Variants in CTNNA2 observed in about 807,000 individuals in gnomAD.
CTNNA2 encodes catenin alpha-2.
In CTNNA2, 42 loss-of-function variants were observed where a neutral mutation model predicts 101.0. The ratio of observed to expected loss-of-function variants is 0.42; its 90% confidence interval spans 0.32 to 0.54. The LOEUF (loss-of-function observed/expected upper bound fraction) is 0.54, where lower values mean the gene tolerates loss of function less well. CTNNA2 is among the 20% of genes least tolerant of loss of function. The pLI is 0.14. For synonymous variants in CTNNA2, 450 were observed against 456.4 expected (o/e 0.99, Z 0.18); for missense variants, 871 against 1,223.1 (o/e 0.71, Z 4.29).
chr2:79,832,187 C>A (rs541283661), intron 3 of CTNNA2, among the ~76,000 whole-genome samples: 1 of 152,296 alleles, frequency 6.6e-6, no homozygotes, highest in African/African-American at 2.4e-5. Context: ...CGCCTATGGC[C>A]ATGTTCCATG....
intron 1 of CTNNA2, among the ~76,000 whole-genome samples, chr2:79,602,719 C>G (rs1677626442): frequency 1.3e-5 from 2 of 152,088 alleles, no homozygotes; most frequent in South Asian, 4.1e-4. Context: ...AACAAAGAAT[C>G]AAAGACTGTA....
At chr2:79,928,314 A>G (rs1192940101) in intron 7 of CTNNA2, among the ~76,000 whole-genome samples, 1 of 152,152 alleles carries the variant, frequency 6.6e-6, no homozygotes, top group Admixed American at 6.5e-5. Flanking sequence ...CTATTATTCA[A>G]CTGTGTTCAA....
intron 2 of CTNNA2, among the ~76,000 whole-genome samples, chr2:79,245,660 T>C (rs1404640736): frequency 1.3e-5 from 2 of 152,194 alleles, no homozygotes; most frequent in African/African-American, 4.8e-5. Context: ...AAATTGTGGC[T>C]TACATATCCT....
At chr2:80,535,490 A>G (rs1161554684) in intron 9 of CTNNA2, among the ~76,000 whole-genome samples, 2 of 152,128 alleles carry the variant, frequency 1.3e-5, no homozygotes, top group Non-Finnish European at 2.9e-5. Flanking sequence ...TATAACTGAG[A>G]CACAATTGAG....
intron 7 of CTNNA2, among the ~76,000 whole-genome samples, chr2:80,261,417 T>C (rs1672597685): frequency 6.6e-6 from 1 of 152,066 alleles, no homozygotes; most frequent in Non-Finnish European, 1.5e-5. Flanking sequence ...TCATCCAGTT[T>C]AATGACTTCA....
intron 4 of CTNNA2, among the ~76,000 whole-genome samples, chr2:79,475,389 G>A (rs550430282): frequency 2.6e-5 from 4 of 152,242 alleles, no homozygotes; most frequent in African/African-American, 7.2e-5. Context: ...TGAAGCTGGA[G>A]GTGACAGAAA....
chr2:79,910,453 AG>A (rs2104327099), intron 7 of CTNNA2, among the ~76,000 whole-genome samples: 1 of 152,320 alleles, frequency 6.6e-6, no homozygotes, highest in South Asian at 2.1e-4. Context: ...GTAACCTGCA[AG>A]AAGGTGATGA....
chr2:80,426,942 T>G (rs1428937860), intron 9 of CTNNA2, among the ~76,000 whole-genome samples: 1 of 152,002 alleles, frequency 6.6e-6, no homozygotes, highest in African/African-American at 2.4e-5. Context: ...GTTCCTTACG[T>G]CTTTCACTTC....
intron 18 of CTNNA2, among the ~76,000 whole-genome samples, chr2:80,627,808 C>T (rs1452767866): frequency 6.6e-6 from 1 of 152,050 alleles, no homozygotes; most frequent in Non-Finnish European, 1.5e-5. Context: ...ATGGTATTGC[C>T]TAGGTTTTCC....
intron 2 of CTNNA2, among the ~76,000 whole-genome samples, chr2:79,311,408 CAAA>C (rs753633073): frequency 4.5e-5 from 3 of 67,054 alleles, no homozygotes; most frequent in Middle Eastern, 7.5e-3. Flanking sequence ...GACTCCGTCT[CAAA>C]AAAAAAAAAA....
At chr2:80,135,991 C>T (rs1002507714) in intron 7 of CTNNA2, among the ~76,000 whole-genome samples, 2 of 152,052 alleles carry the variant, frequency 1.3e-5, no homozygotes, top group African/African-American at 4.8e-5. Context: ...TGAAGTAGAG[C>T]GATCTGGAAT....
At chr2:79,325,988 G>A (rs1327045566) in intron 3 of CTNNA2, among the ~76,000 whole-genome samples, 1 of 152,166 alleles carries the variant, frequency 6.6e-6, no homozygotes, top group Non-Finnish European at 1.5e-5. Context: ...TAGAGTCAGT[G>A]TATGCCTAGA....
chr2:79,713,339 G>A (rs1422988536), intron 2 of CTNNA2, among the ~76,000 whole-genome samples: 1 of 152,148 alleles, frequency 6.6e-6, no homozygotes, highest in East Asian at 1.9e-4. Context: ...CCATCTACTC[G>A]GGAGGCTGAG....
intron 9 of CTNNA2, among the ~76,000 whole-genome samples, chr2:80,461,463 C>T (rs1333293917): frequency 1.3e-5 from 2 of 152,208 alleles, no homozygotes; most frequent in Non-Finnish European, 2.9e-5. Context: ...CTCACACTGA[C>T]CCCCAACTGC....
chr2:80,466,864 TAATA>T (rs1684899968), intron 9 of CTNNA2, among the ~76,000 whole-genome samples: 3 of 152,222 alleles, frequency 2.0e-5, no homozygotes, highest in African/African-American at 7.2e-5. Flanking sequence ...ACATTTGGTA[TAATA>T]GATACCTTGC....
At chr2:79,613,753 C>G (rs1479945889) in intron 1 of CTNNA2, among the ~76,000 whole-genome samples, 4 of 152,144 alleles carry the variant, frequency 2.6e-5, no homozygotes, top group Non-Finnish European at 5.9e-5. Context: ...CTCCTGATCT[C>G]AAGTGATCCT....
rs141366064 is a variant in CTNNA2 at position 79,670,307 on chromosome 2, A to G, written c.102+18649A>G. Among the ~76,000 whole-genome samples, 668 of 152,312 alleles carry G rather than the reference A, an allele frequency of 4.4e-3. 27 individuals carry two copies. The South Asian group carries it at 0.078, about 18-fold the overall frequency. On this transcript the variant is annotated intron_variant, in intron 2 of 18. Transcript: ENST00000402739. The stretch of plus-strand genomic sequence containing the variant: ...CCCATTCCTCACTCCCTACAAGAGC[A>G]CAGGGAGGCTCGATCCATAGCTACA...
chr2:80,302,751 C>A lies in CTNNA2; in HGVS notation c.1057-90460C>A, dbSNP rs747165881. On this transcript the variant is annotated intron_variant, in intron 7 of 18. Transcript: ENST00000402739. The surrounding 1 kb of genome is among the most constrained non-coding windows in gnomAD (Gnocchi z 6.4). ...TCCTCGCACAGGTGGAAGGCGTACA[C>A]GGCGTCCAGGACGTCCTCGCCCTGT... 6.2e-7 allele frequency: 1 copy of A among 1,613,086 alleles called. No homozygotes were observed. The highest frequency in any genetic ancestry group is 8.5e-7 in the Non-Finnish European group (1 of 1,179,850).
chr2:80,308,048 C>T (rs754551481), intron 7 of CTNNA2, among the ~76,000 whole-genome samples: 33 of 152,282 alleles, frequency 2.2e-4, no homozygotes, highest in Middle Eastern at 6.8e-3. Context: ...AGGGAAGAGT[C>T]GATTAATTCC....
Sources: gnomAD v4.1 joint callset for allele counts (sites outside exome capture counted in the v4.1 genomes callset) on GRCh38, gnomAD v4.1.1 for gene constraint, Gnocchi (gnomAD v3.1) non-coding constraint, MANE v1.5 for transcripts, NCBI Gene and HGNC (gene_info 2026-07-23, HGNC 2026-07-21) for gene names.